OR3A2: variants seen among roughly 807,000 people sequenced by gnomAD.
The protein encoded by OR3A2 is olfactory receptor 3A2.
For synonymous variants in OR3A2, 126 were observed against 159.3 expected, an observed-to-expected ratio of 0.79 and a Z score of 1.57; for missense variants, 318 against 392.8, an observed-to-expected ratio of 0.81 and a Z score of 1.61.
At chr17:3,320,995 T>G (rs2049117362) in intron 3 of OR3A2, among the ~76,000 whole-genome samples, 2 of 152,314 alleles carry the variant, frequency 1.3e-5, no homozygotes, top group South Asian at 4.1e-4. Context: ...ACGATATTGA[T>G]TCTTCCTACC....
chr17:3,332,033 C>T (rs2049239504), intron 3 of OR3A2, among the ~76,000 whole-genome samples: 1 of 152,066 alleles, frequency 6.6e-6, no homozygotes, highest in Non-Finnish European at 1.5e-5. Flanking sequence ...GCTCGGGGGT[C>T]AGGGGTCAGG....
chr17:3,326,814 T>C (rs2049179543), intron 3 of OR3A2, among the ~76,000 whole-genome samples: 1 of 142,752 alleles, frequency 7.0e-6, no homozygotes, highest in East Asian at 2.1e-4. Context: ...TTTGGTTTTT[T>C]GTTCTTGCGA....
At chr17:3,374,643 C>A (rs746143411) in intron 2 of OR3A2, among the ~76,000 whole-genome samples, 1 of 152,080 alleles carries the variant, frequency 6.6e-6, no homozygotes, top group Non-Finnish European at 1.5e-5. Context: ...TTGTGATTAT[C>A]TTTTCTTTAC....
rs561981962 is a variant in OR3A2 at position 3,311,233 on chromosome 17, C to T, written c.-85+24800G>A. The T allele has an allele frequency of 1.9e-6, 1 of 535,986 alleles. No individual in the cohort carries two copies. Among genetic ancestry groups the T allele is most frequent in the South Asian group, 1.4e-5 (1 of 71,618 alleles). The allele number at this position is 535,986 out of a possible 1,614,324, so 33.2% of individuals were successfully genotyped here. On this transcript the variant is annotated intron_variant, in intron 3 of 4. Coordinates refer to the OR3A2 transcript ENST00000573491. This position sits in a 1 kb window ranked among gnomAD's most constrained non-coding sequence, Gnocchi z 4.6. ...GTCGGGTGCATCAGTCACTGTTCCT[C>T]CGATGCTGGCGTGTCTCCAGGCCCA...
chr17:3,376,345 C>T (rs4414529), intron 2 of OR3A2, among the ~76,000 whole-genome samples: 23,029 of 152,092 alleles, frequency 0.15, 2,321 homozygotes, highest in African/African-American at 0.28. Flanking sequence ...GTTGGGGCCA[C>T]AGAGCTCCCA....
At chr17:3,335,851 A>T (rs2098534934) in intron 3 of OR3A2, among the ~76,000 whole-genome samples, 178 bp downstream of exon 2, 1 of 152,068 alleles carries the variant, frequency 6.6e-6, no homozygotes, top group Non-Finnish European at 1.5e-5. Context: ...TCTCAATCCA[A>T]TTTTTCTTAC....
intron 3 of OR3A2, among the ~76,000 whole-genome samples, chr17:3,319,798 C>G (rs1366438574): frequency 6.6e-6 from 1 of 152,096 alleles, no homozygotes; most frequent in African/African-American, 2.4e-5. Flanking sequence ...GGGTTGGTTC[C>G]AAGTCTTTGC....
At chr17:3,288,246 C>CAAAAAAAA, upstream of OR3A2, among the ~76,000 whole-genome samples, 5 of 73,486 alleles carry the variant, frequency 6.8e-5, no homozygotes, top group East Asian at 5.8e-4. Flanking sequence ...ACCAAAAGGG[C>CAAAAAAAA]AAAAAAAAAA....
At chr17:3,313,935 T>C (rs1232669751) in intron 3 of OR3A2, among the ~76,000 whole-genome samples, 1 of 152,210 alleles carries the variant, frequency 6.6e-6, no homozygotes, top group African/African-American at 2.4e-5. Context: ...ACATAGGAAG[T>C]CAGTGAAACT....
intron 3 of OR3A2, among the ~76,000 whole-genome samples, chr17:3,294,864 A>T (rs1475121313): frequency 6.6e-6 from 1 of 152,208 alleles, no homozygotes; most frequent in African/African-American, 2.4e-5. Context: ...TATAATATTC[A>T]TATATAAAGT....
At chr17:3,377,439 C>T (rs886579905) in intron 2 of OR3A2, 1 of 152,182 alleles carries the variant, frequency 6.6e-6, no homozygotes, top group African/African-American at 2.4e-5. Context: ...GCTTTATTCT[C>T]TCTCTTCCTT....
chr17:3,291,588 T>C (rs773325450), intron 3 of OR3A2: 1 of 1,465,476 alleles, frequency 6.8e-7, no homozygotes, highest in Non-Finnish European at 9.2e-7. Flanking sequence ...CTAGAAGACT[T>C]TTCCTTTAGT....
chr17:3,278,171 G>T (rs781195603), exon 2 of OR3A2: 3 of 1,614,206 alleles, frequency 1.9e-6, no homozygotes, highest in Non-Finnish European at 2.5e-6. Flanking sequence ...GACAAACCAC[G>T]GTGAGGTGGG....
chr17:3,374,574 T>C (rs1412190471), intron 2 of OR3A2, among the ~76,000 whole-genome samples: 1 of 152,242 alleles, frequency 6.6e-6, no homozygotes. Flanking sequence ...TTTGATTCTA[T>C]TGTTGAAACT....
intron 2 of OR3A2, among the ~76,000 whole-genome samples, chr17:3,363,533 G>C (rs2049536550): frequency 6.6e-6 from 1 of 151,778 alleles, no homozygotes. Context: ...CATTCGACAA[G>C]TCTCTATGAA....
intron 2 of OR3A2, among the ~76,000 whole-genome samples, chr17:3,342,096 T>A (rs1047602246): frequency 6.6e-6 from 1 of 152,028 alleles, no homozygotes; most frequent in East Asian, 1.9e-4. Context: ...AGTTCTTGTG[T>A]CACGGTTTTC....
chr17:3,313,786 T>C (rs890560170), intron 3 of OR3A2, among the ~76,000 whole-genome samples: 1 of 152,204 alleles, frequency 6.6e-6, no homozygotes. Context: ...GGTTATAATC[T>C]CCTTAAGGAC....
chr17:3,353,196 A>G (rs993901530), intron 2 of OR3A2, among the ~76,000 whole-genome samples: 1 of 151,574 alleles, frequency 6.6e-6, no homozygotes, highest in African/African-American at 2.4e-5. Context: ...TGCCATAACA[A>G]TTTATGTTTC....
Position 3,367,599 on chromosome 17 carries a change from G to GTATATATAATATATATATATATA in OR3A2, c.-179+16204_-179+16205insTATATATATATATATTATATATA, listed in dbSNP as rs201439962. Among the ~76,000 whole-genome samples the GTATATATAATATATATATATATA allele has an allele frequency of 2.0e-3, 168 of 85,950 alleles. 3 individuals are homozygous for GTATATATAATATATATATATATA. The highest frequency in any genetic ancestry group is 7.6e-3 in the African/African-American group (150 of 19,796). 56.4% of individuals were successfully genotyped at this position (85,950 alleles called of 152,430 possible). A position where few individuals can be genotyped will look rare whatever the true frequency, so the allele number is the denominator to read the frequency against. On this transcript the variant is annotated intron_variant, in intron 2 of 4. Coordinates refer to the OR3A2 transcript ENST00000573491. ...GGTGTATATGTATATGTGTGTGTGT[G>GTATATATAATATATATATATATA]TGTATATATATATATATATATATGC...
Sources: allele counts gnomAD v4.1 joint callset (sites outside exome capture counted in the v4.1 genomes callset), GRCh38; gene constraint gnomAD v4.1.1; non-coding constraint Gnocchi (gnomAD v3.1); transcripts MANE v1.5; gene names NCBI Gene and HGNC (gene_info 2026-07-23, HGNC 2026-07-21).